TENM4: variants seen among roughly 807,000 people sequenced by gnomAD.
TENM4 encodes the protein teneurin transmembrane protein 4.
Under a neutral mutation model 243.3 loss-of-function variants are expected in TENM4, and 82 were observed. The observed-to-expected ratio is 0.34, with a 90% confidence interval of 0.28 to 0.40. The LOEUF (loss-of-function observed/expected upper bound fraction) is 0.40. Ranked by LOEUF, TENM4 falls within the 10% of genes least tolerant of loss-of-function variation. The probability of loss-of-function intolerance (pLI) is 1.00; values close to 1 mark genes in which losing one functional copy is unlikely to be tolerated. For missense variants in TENM4, 3,138 were observed against 3,673.3 expected, an observed-to-expected ratio of 0.85 and a Z score of 3.77; for synonymous variants, 1,412 against 1,456.3, an observed-to-expected ratio of 0.97 and a Z score of 0.69.
intron 6 of TENM4, among the ~76,000 whole-genome samples, chr11:78,992,487 T>C (rs1443703815): frequency 2.6e-5 from 4 of 152,332 alleles, no homozygotes; most frequent in Admixed American, 2.6e-4. Context: ...CTCATTCATC[T>C]CAGGATTCCA....
intron 4 of TENM4, among the ~76,000 whole-genome samples, chr11:79,121,415 A>G (rs1192853051): frequency 6.6e-6 from 1 of 152,172 alleles, no homozygotes; most frequent in Non-Finnish European, 1.5e-5. Flanking sequence ...TTTGTCTAGG[A>G]TTTCCTTGGG....
At chr11:78,777,165 G>A (rs1183889349) in intron 17 of TENM4, among the ~76,000 whole-genome samples, 2 of 152,140 alleles carry the variant, frequency 1.3e-5, no homozygotes, top group African/African-American at 4.8e-5. Context: ...ACCCTGAAGA[G>A]TCCTCTGCTA....
chr11:79,371,009 G>A (rs1857774344), intron 1 of TENM4, among the ~76,000 whole-genome samples: 1 of 152,098 alleles, frequency 6.6e-6, no homozygotes, highest in Admixed American at 6.6e-5. Context: ...GTAATTCAAT[G>A]AAGAGAAACC....
At chr11:78,727,956 A>C (rs1204156977) in intron 22 of TENM4, among the ~76,000 whole-genome samples, 2 of 152,206 alleles carry the variant, frequency 1.3e-5, no homozygotes, top group African/African-American at 4.8e-5. Flanking sequence ...AATGGGCTGG[A>C]AGACGTCCCT....
At chr11:78,809,068 C>T (rs898584995) in intron 14 of TENM4, among the ~76,000 whole-genome samples, 1 of 152,148 alleles carries the variant, frequency 6.6e-6, no homozygotes, top group Non-Finnish European at 1.5e-5. Context: ...CCCTTGAGGT[C>T]GAACCTATAA....
chr11:78,891,815 T>A (rs1391408143), intron 7 of TENM4, among the ~76,000 whole-genome samples: 2 of 152,194 alleles, frequency 1.3e-5, no homozygotes, highest in Non-Finnish European at 2.9e-5. Flanking sequence ...TTGAGGCTGC[T>A]TACATCAGCT....
At chr11:78,959,823 T>C (rs902206944) in intron 6 of TENM4, among the ~76,000 whole-genome samples, 1 of 152,186 alleles carries the variant, frequency 6.6e-6, no homozygotes, top group Non-Finnish European at 1.5e-5. Flanking sequence ...AACAAAGTGA[T>C]TGCTCTTGTT....
At chr11:79,252,842 C>G (rs1366826700) in intron 2 of TENM4, among the ~76,000 whole-genome samples, 1 of 152,124 alleles carries the variant, frequency 6.6e-6, no homozygotes, top group Non-Finnish European at 1.5e-5. Flanking sequence ...TTAAACCCCC[C>G]AGAGCCCAGT....
chr11:78,939,940 A>G (rs1250961086), intron 6 of TENM4, among the ~76,000 whole-genome samples: 4 of 152,162 alleles, frequency 2.6e-5, no homozygotes, highest in African/African-American at 9.7e-5. Flanking sequence ...TTTGTAAGAA[A>G]TTAATTTCCT....
intron 3 of TENM4, among the ~76,000 whole-genome samples, chr11:79,197,588 C>G (rs1324769039): frequency 6.6e-6 from 1 of 152,162 alleles, no homozygotes; most frequent in African/African-American, 2.4e-5. Flanking sequence ...CCACCTAATC[C>G]TTTCCACTTC....
At chr11:79,128,899 A>G (rs538265748) in intron 4 of TENM4, among the ~76,000 whole-genome samples, 1 of 152,330 alleles carries the variant, frequency 6.6e-6, no homozygotes, top group Admixed American at 6.5e-5. Flanking sequence ...TCAAATGGAC[A>G]GAGCAGTATG....
intron 3 of TENM4, among the ~76,000 whole-genome samples, chr11:79,191,972 CCGCCCCG>C: frequency 6.6e-6 from 1 of 151,902 alleles, no homozygotes; most frequent in South Asian, 2.1e-4. Context: ...GCCCAGCCAG[CCGCCCCG>C]TCGGGGAGGT....
chr11:78,897,105 G>C (rs576715815), intron 7 of TENM4, among the ~76,000 whole-genome samples: 1 of 152,088 alleles, frequency 6.6e-6, no homozygotes, highest in Non-Finnish European at 1.5e-5. Context: ...GGTACTTGCC[G>C]GGCAGGGGGT....
chr11:79,371,409 A>G (rs1011996353), intron 1 of TENM4, among the ~76,000 whole-genome samples: 2 of 151,784 alleles, frequency 1.3e-5, no homozygotes, highest in African/African-American at 4.8e-5. Flanking sequence ...TGGTTCTAGG[A>G]CTCTGACATG....
chr11:78,868,409 C>T (rs1314510287), intron 9 of TENM4, among the ~76,000 whole-genome samples: 1 of 152,180 alleles, frequency 6.6e-6, no homozygotes, highest in South Asian at 2.1e-4. Context: ...GGAAAGGTAG[C>T]TGGTTCACAA....
intron 1 of TENM4, among the ~76,000 whole-genome samples, chr11:79,347,245 C>T (rs576756945): frequency 1.3e-5 from 2 of 152,320 alleles, no homozygotes; most frequent in South Asian, 4.1e-4. Flanking sequence ...GCAGGTCCTT[C>T]AGCCTCTTAC....
intron 1 of TENM4, chr11:79,401,937 C>A (rs1858470747): frequency 3.5e-6 from 1 of 288,324 alleles, no homozygotes; most frequent in East Asian, 9.2e-5. Context: ...CTAGAGGGTC[C>A]TCAGGTGGTG....
intron 29 of TENM4, among the ~76,000 whole-genome samples, chr11:78,686,401 G>A (rs1334423213): frequency 6.6e-6 from 1 of 152,196 alleles, no homozygotes; most frequent in South Asian, 2.1e-4. Flanking sequence ...ACTGGTAAAT[G>A]TAAGTATTTC....
intron 1 of TENM4, among the ~76,000 whole-genome samples, chr11:79,319,944 G>A (rs1856860532): frequency 6.6e-6 from 1 of 152,114 alleles, no homozygotes; most frequent in South Asian, 2.1e-4. Flanking sequence ...TTCTTATTAG[G>A]TAGAGGCTCT....
Sources: gnomAD v4.1 joint callset for allele counts (sites outside exome capture counted in the v4.1 genomes callset) on GRCh38, gnomAD v4.1.1 for gene constraint, MANE v1.5 for transcripts, NCBI Gene and HGNC (gene_info 2026-07-23, HGNC 2026-07-21) for gene names.